The following PIK3R1 variants were observed in gnomAD, a reference collection of about 807,000 sequenced individuals.
PIK3R1 encodes phosphatidylinositol 3-kinase regulatory subunit alpha.
A neutral mutation model predicts 98.0 loss-of-function variants in PIK3R1; 29 were observed. The observed-to-expected ratio is 0.30, with a 90% confidence interval of 0.22 to 0.40. The LOEUF (loss-of-function observed/expected upper bound fraction) is 0.40, where lower values mean the gene tolerates loss of function less well. PIK3R1 is among the 10% of genes least tolerant of loss of function. The pLI is 1.00. For synonymous variants in PIK3R1, 282 were observed against 311.8 expected (o/e 0.90, Z 1.01); for missense variants, 596 against 872.7 (o/e 0.68, Z 3.99).
intron 2 of PIK3R1, among the ~76,000 whole-genome samples, chr5:68,255,196 G>C (rs1745461827): frequency 6.6e-6 from 1 of 152,194 alleles, no homozygotes; most frequent in South Asian, 2.1e-4. Context: ...TTCAGTCCCT[G>C]ATTTGCAAAG....
At chr5:68,225,736 G>A (rs1278501929) in intron 1 of PIK3R1, among the ~76,000 whole-genome samples, 1 of 152,168 alleles carries the variant, frequency 6.6e-6, no homozygotes, top group East Asian at 1.9e-4. Flanking sequence ...CACACTGTGG[G>A]CTGAATTACT....
At chr5:68,278,917 T>G (rs1473829126) in intron 4 of PIK3R1, among the ~76,000 whole-genome samples, 2 of 152,142 alleles carry the variant, frequency 1.3e-5, no homozygotes, top group Non-Finnish European at 2.9e-5. Context: ...CACTCCAGCC[T>G]TGGCTACAGA....
At chr5:68,273,866 T>C in intron 3 of PIK3R1, 73 bp from the exon 4 acceptor site, 1 of 1,143,718 alleles carries the variant, frequency 8.7e-7, no homozygotes. Flanking sequence ...GGAATGTCTC[T>C]GGCAGCAGCC....
At chr5:68,245,370 T>C (rs962234139) in intron 2 of PIK3R1, among the ~76,000 whole-genome samples, 1 of 152,162 alleles carries the variant, frequency 6.6e-6, no homozygotes, top group Non-Finnish European at 1.5e-5. Context: ...CTTATGAGCA[T>C]GTGGGAGATA....
chr5:68,242,078 G>A (rs1046526280), intron 2 of PIK3R1, among the ~76,000 whole-genome samples: 3 of 152,218 alleles, frequency 2.0e-5, no homozygotes, highest in African/African-American at 2.4e-5. Flanking sequence ...AGAATACGAA[G>A]TATCACAGGT....
intron 2 of PIK3R1, among the ~76,000 whole-genome samples, chr5:68,271,856 T>C (rs1356220592): frequency 6.6e-6 from 1 of 152,200 alleles, no homozygotes; most frequent in East Asian, 1.9e-4. Context: ...TTTTGCAAAA[T>C]GACTTAATCA....
Position 68,221,805 on chromosome 5 carries a change from TAGAA to T in PIK3R1, c.-386-4481_-386-4478del, listed in dbSNP as rs546767010. On this transcript the variant is annotated intron_variant, in intron 1 of 15. Coordinates refer to ENST00000521381, the MANE Select transcript of PIK3R1 (RefSeq NM_181523.3). ...TCAGAAACAATTTTATTTTGGGGAA[TAGAA>T]AGAGAATTTCTCTGTATGTTAGCAG... Among the ~76,000 whole-genome samples the T allele has an allele frequency of 1.2e-4, 19 of 152,352 alleles. No individual in the cohort carries two copies. In the South Asian group the frequency reaches 3.7e-3, roughly 30 times the overall value.
chr5:68,222,568 G>A (rs995073609), intron 1 of PIK3R1, among the ~76,000 whole-genome samples: 1 of 152,114 alleles, frequency 6.6e-6, no homozygotes, highest in Admixed American at 6.6e-5. Context: ...CTAGTTTATG[G>A]ACTTCTTTCG....
intron 2 of PIK3R1, among the ~76,000 whole-genome samples, chr5:68,267,450 ATAAACT>A (rs964218486): frequency 2.0e-5 from 3 of 152,222 alleles, no homozygotes; most frequent in African/African-American, 7.2e-5. Flanking sequence ...ATGAGAGAAG[ATAAACT>A]TAACGATATT....
intron 4 of PIK3R1, among the ~76,000 whole-genome samples, chr5:68,279,077 T>C (rs1746708392): frequency 6.6e-6 from 1 of 152,238 alleles, no homozygotes; most frequent in African/African-American, 2.4e-5. Flanking sequence ...GCGTTTCTCC[T>C]CTGTGCCTGT....
chr5:68,259,590 G>A (rs758926269), intron 2 of PIK3R1, among the ~76,000 whole-genome samples: 4 of 152,242 alleles, frequency 2.6e-5, no homozygotes, highest in Non-Finnish European at 5.9e-5. Context: ...CACCAGATAT[G>A]CTAAACATCC....
At chr5:68,262,643 ACACATGTATC>A (rs1321658331) in intron 2 of PIK3R1, among the ~76,000 whole-genome samples, 7 of 133,456 alleles carry the variant, frequency 5.2e-5, no homozygotes, top group African/African-American at 2.5e-4. Context: ...ACACATGTAT[ACACATGTATC>A]TGCATGTATA....
chr5:68,221,747 G>A (rs919348213), intron 1 of PIK3R1, among the ~76,000 whole-genome samples: 1 of 152,208 alleles, frequency 6.6e-6, no homozygotes, highest in African/African-American at 2.4e-5. Context: ...GCAGTTGTAC[G>A]TTAAGTAGCT....
intron 7 of PIK3R1, chr5:68,288,397 C>T: frequency 4.2e-6 from 5 of 1,182,174 alleles, no homozygotes; most frequent in Non-Finnish European, 5.2e-6. Context: ...GTGCGAGCGC[C>T]TGGGCTCCTT....
In PIK3R1 at chr5:68,299,052, T is replaced by A. The variant is rs1172197887; in HGVS notation, c.*1451T>A. 1 of 233,490 alleles carries A rather than the reference T, an allele frequency of 4.3e-6. No individual in the cohort carries two copies. Among genetic ancestry groups the A allele is most frequent in the East Asian group, 6.0e-5 (1 of 16,568 alleles). 14.5% of individuals were successfully genotyped at this position (233,490 alleles called of 1,614,324 possible). A position where few individuals can be genotyped will look rare whatever the true frequency, so the allele number is the denominator to read the frequency against. ...CAATTAATGACAATTACAAACCTACTGTATCTCTAATACAGTGTGACTGGT... is the reference window on the plus strand; with the variant it reads ...CAATTAATGACAATTACAAACCTACAGTATCTCTAATACAGTGTGACTGGT... On this transcript the variant is annotated 3_prime_UTR_variant, in exon 16 of 16. Coordinates refer to ENST00000521381, the MANE Select transcript of PIK3R1 (RefSeq NM_181523.3).
intron 7 of PIK3R1, among the ~76,000 whole-genome samples, chr5:68,285,647 T>A (rs1168563606): frequency 1.3e-5 from 2 of 152,186 alleles, no homozygotes; most frequent in Non-Finnish European, 2.9e-5. Context: ...GTTTTCACAG[T>A]GCAGATGTCT....
intron 5 of PIK3R1, 86 bp downstream of exon 5, chr5:68,279,819 T>A: frequency 7.5e-7 from 1 of 1,334,962 alleles, no homozygotes; most frequent in Non-Finnish European, 1.1e-6. Context: ...ATAGAAATAG[T>A]GGTTAGAAAA....
chr5:68,252,347 G>T (rs1448244590), intron 2 of PIK3R1, among the ~76,000 whole-genome samples: 1 of 145,476 alleles, frequency 6.9e-6, no homozygotes, highest in East Asian at 2.0e-4. Flanking sequence ...AGCAAAGCTT[G>T]TTGCTGGTGA....
chr5:68,298,110 A>G lies in PIK3R1; in HGVS notation c.*509A>G. 1 of 230,880 alleles carries G rather than the reference A, an allele frequency of 4.3e-6. No homozygotes were observed. Among genetic ancestry groups the G allele is most frequent in the East Asian group, 6.2e-5 (1 of 16,176 alleles). The allele number at this position is 230,880 out of a possible 1,614,324, so 14.3% of individuals were successfully genotyped here. ...GCACTGTGGATTATTTCATTTTGTA[A>G]CAAATGAACGATATGTAGCAGAAAG... On this transcript the variant is annotated 3_prime_UTR_variant, in exon 16 of 16. Transcript: ENST00000521381.
Sources: gnomAD v4.1 joint callset for allele counts (sites outside exome capture counted in the v4.1 genomes callset) on GRCh38, gnomAD v4.1.1 for gene constraint, MANE v1.5 for transcripts, NCBI Gene and HGNC (gene_info 2026-07-23, HGNC 2026-07-21) for gene names.